Variants in ASTN1 observed in about 807,000 individuals in gnomAD.
The protein encoded by ASTN1 is astrotactin 1, also known as astrotactin-1.
In ASTN1, 41 loss-of-function variants were observed where a neutral mutation model predicts 140.7. The observed-to-expected ratio is 0.29, with a 90% CI of 0.23 to 0.38. The LOEUF is 0.38. ASTN1 is among the 10% of genes least tolerant of loss of function. ASTN1 has a pLI of 1.00. For missense variants in ASTN1, 1,479 were observed against 1,678.8 expected (o/e 0.88, Z 2.08); for synonymous variants, 640 against 652.2 (o/e 0.98, Z 0.29).
chr1:176,919,345 T>A (rs934779539), intron 16 of ASTN1, among the ~76,000 whole-genome samples: 1 of 152,258 alleles, frequency 6.6e-6, no homozygotes, highest in African/African-American at 2.4e-5. Context: ...CTGTAGATCA[T>A]TAATGATCTC....
chr1:176,901,006 C>T (rs1299184325), intron 16 of ASTN1, among the ~76,000 whole-genome samples: 1 of 152,130 alleles, frequency 6.6e-6, no homozygotes, highest in Non-Finnish European at 1.5e-5. Flanking sequence ...CTTAATAAAT[C>T]ATGTCTAAAG....
chr1:176,919,471 A>G (rs1670639143), intron 16 of ASTN1, among the ~76,000 whole-genome samples: 1 of 152,068 alleles, frequency 6.6e-6, no homozygotes, highest in African/African-American at 2.4e-5. Context: ...TTTCTACTCT[A>G]CCGTGTAAAA....
Position 177,056,678 on chromosome 1 carries a change from C to T in ASTN1, c.471+4400G>A, listed in dbSNP as rs542916739. ...GCATATAGGAAATCTATTAACACTG[C>T]CATCTTTAATTAAAGAGATGAAATA... On this transcript the variant is annotated intron_variant, in intron 2 of 22. Coordinates refer to ENST00000361833, the MANE Select transcript of ASTN1 (RefSeq NM_004319.3). Among the ~76,000 whole-genome samples the T allele has an allele frequency of 2.6e-5, 4 of 151,800 alleles. No homozygotes were observed. In the South Asian group the frequency reaches 6.2e-4, roughly 24 times the overall value.
intron 5 of ASTN1, among the ~76,000 whole-genome samples, chr1:177,027,413 A>G (rs528423333): frequency 2.3e-4 from 35 of 151,908 alleles, no homozygotes; most frequent in African/African-American, 7.7e-4. Flanking sequence ...TCATCGACCC[A>G]TAATCCAGCA....
chr1:177,137,243 G>C (rs1049646720), intron 1 of ASTN1, among the ~76,000 whole-genome samples: 1 of 152,174 alleles, frequency 6.6e-6, no homozygotes, highest in African/African-American at 2.4e-5. Flanking sequence ...GTGAAGACAG[G>C]AGAAAGGATC....
intron 8 of ASTN1, among the ~76,000 whole-genome samples, chr1:177,013,639 C>A (rs763688229): frequency 6.6e-6 from 1 of 152,128 alleles, no homozygotes. Flanking sequence ...TCCTCCATGG[C>A]GATGTCTGAA....
At chr1:177,040,375 C>T (rs1006095994) in intron 2 of ASTN1, among the ~76,000 whole-genome samples, 4 of 152,196 alleles carry the variant, frequency 2.6e-5, no homozygotes, top group Non-Finnish European at 5.9e-5. Context: ...GCCCGCGCTG[C>T]CTTGTTAACC....
At chr1:177,043,486 C>T (rs1179100967) in intron 2 of ASTN1, among the ~76,000 whole-genome samples, 4 of 152,162 alleles carry the variant, frequency 2.6e-5, no homozygotes, top group African/African-American at 7.2e-5. Context: ...TAATGCTAGT[C>T]GAAAACAGAG....
chr1:177,097,745 T>C (rs1282590605), intron 1 of ASTN1, among the ~76,000 whole-genome samples: 1 of 152,134 alleles, frequency 6.6e-6, no homozygotes, highest in Non-Finnish European at 1.5e-5. Flanking sequence ...CCTTGGAACC[T>C]TCAGCCCCAC....
At chr1:176,870,592 A>G (rs1486329419) in intron 21 of ASTN1, among the ~76,000 whole-genome samples, 2 of 152,128 alleles carry the variant, frequency 1.3e-5, no homozygotes, top group Non-Finnish European at 2.9e-5. Context: ...TAGAACTTAA[A>G]CCTTTGGAAA....
At chr1:177,077,891 CACAAAAA>C (rs1678995207) in intron 1 of ASTN1, among the ~76,000 whole-genome samples, 1 of 152,044 alleles carries the variant, frequency 6.6e-6, no homozygotes, top group African/African-American at 2.4e-5. Context: ...CATGGTTTGA[CACAAAAA>C]GGTGAGTCAT....
intron 16 of ASTN1, among the ~76,000 whole-genome samples, chr1:176,898,628 A>G (rs1310577809): frequency 6.6e-6 from 1 of 152,192 alleles, no homozygotes; most frequent in African/African-American, 2.4e-5. Flanking sequence ...TAAAAGCTTC[A>G]GGAGAGGCTG....
intron 16 of ASTN1, among the ~76,000 whole-genome samples, chr1:176,897,317 G>A (rs903787479): frequency 2.7e-5 from 4 of 146,736 alleles, no homozygotes; most frequent in Admixed American, 6.7e-5. Flanking sequence ...TAAAATCCCG[G>A]CCCCCCCACC....
At chr1:176,884,718 GTAAA>G (rs1203592970) in intron 18 of ASTN1, among the ~76,000 whole-genome samples, 2 of 152,184 alleles carry the variant, frequency 1.3e-5, no homozygotes, top group Non-Finnish European at 2.9e-5. Flanking sequence ...GCCAATAAGT[GTAAA>G]TAAATAAATC....
intron 1 of ASTN1, among the ~76,000 whole-genome samples, chr1:177,085,352 A>T (rs1439798049): frequency 6.6e-6 from 1 of 152,220 alleles, no homozygotes; most frequent in African/African-American, 2.4e-5. Flanking sequence ...TAGAAAAAAA[A>T]TAGCCCCATG....
chr1:176,882,903 G>A lies in ASTN1; in HGVS notation c.3318C>T (p.Thr1106=), dbSNP rs921144936. The A allele has an allele frequency of 1.4e-5, 23 of 1,614,026 alleles. No homozygotes were observed. The highest frequency in any genetic ancestry group is 1.8e-5 in the Non-Finnish European group (21 of 1,180,016). Residue 1106 remains threonine (T), a synonymous_variant, in exon 20 of 23, where the codon ACC becomes ACT. Transcript: ENST00000361833. ...CCAGGCATCGTATGATCAGAGAGAT[G>A]GTGGTGAGCTGCTTGTCCGGCACCT... is the stretch of plus-strand genomic sequence containing the variant. ...PSQVPDKQLT[T]ISLIIRCLEP...
intron 1 of ASTN1, among the ~76,000 whole-genome samples, chr1:177,116,330 G>T (rs1681089813): frequency 6.6e-6 from 1 of 152,126 alleles, no homozygotes. Flanking sequence ...TATTAAAATT[G>T]TGCACAGATG....
chr1:177,115,744 T>C (rs1216656864), intron 1 of ASTN1, among the ~76,000 whole-genome samples: 1 of 152,080 alleles, frequency 6.6e-6, no homozygotes, highest in African/African-American at 2.4e-5. Context: ...TTGGCAAGTA[T>C]ATAAAAATAT....
chr1:176,928,080 TATAA>T (rs1422068207), intron 16 of ASTN1, among the ~76,000 whole-genome samples: 2 of 150,496 alleles, frequency 1.3e-5, no homozygotes, highest in African/African-American at 4.9e-5. Context: ...ATATATTACA[TATAA>T]ATATCTATAT....
Sources: gnomAD v4.1 joint callset for allele counts (sites outside exome capture counted in the v4.1 genomes callset) on GRCh38, gnomAD v4.1.1 for gene constraint, MANE v1.5 for transcripts, NCBI Gene and HGNC (gene_info 2026-07-23, HGNC 2026-07-21) for gene names.